Variants in NRP1 observed in about 807,000 individuals in gnomAD.
The protein encoded by NRP1 is neuropilin-1.
NRP1 carries 35 observed loss-of-function variants against 106.7 expected under a neutral mutation model. That is an observed-to-expected ratio of 0.33 (90% CI 0.25 to 0.43). The LOEUF is 0.43. Ranked by LOEUF, NRP1 falls within the 20% of genes least tolerant of loss-of-function variation. The pLI is 1.00. For missense variants in NRP1, 1,024 were observed against 1,170.4 expected, an observed-to-expected ratio of 0.87 and a Z score of 1.83; for synonymous variants, 437 against 417.9, an observed-to-expected ratio of 1.05 and a Z score of -0.56.
intron 11 of NRP1, chr10:33,202,656 C>T: frequency 1.3e-6 from 2 of 1,542,542 alleles, no homozygotes; most frequent in Non-Finnish European, 1.8e-6. Flanking sequence ...TAATCCTAGC[C>T]TTTGGCTCTC....
intron 2 of NRP1, among the ~76,000 whole-genome samples, chr10:33,291,599 G>C (rs1454851081): frequency 6.6e-6 from 1 of 152,158 alleles, no homozygotes; most frequent in African/African-American, 2.4e-5. Flanking sequence ...AAATTAGTAG[G>C]AGCATATCAA....
chr10:33,309,857 G>T (rs538705877), intron 2 of NRP1, among the ~76,000 whole-genome samples: 2 of 151,792 alleles, frequency 1.3e-5, no homozygotes, highest in South Asian at 4.1e-4. Flanking sequence ...CCAGTTTCCC[G>T]TTTCTCAAGT....
chr10:33,318,901 G>C (rs1442708542), intron 2 of NRP1, among the ~76,000 whole-genome samples: 1 of 151,608 alleles, frequency 6.6e-6, no homozygotes, highest in East Asian at 2.0e-4. Flanking sequence ...GTCAGGCTTG[G>C]CAGCCTGTTC....
At chr10:33,187,505 A>T (rs544113317) in intron 13 of NRP1, among the ~76,000 whole-genome samples, 3 of 152,084 alleles carry the variant, frequency 2.0e-5, no homozygotes, top group African/African-American at 7.2e-5. Context: ...GCTCAAGGAG[A>T]GGCAAGGTTG....
chr10:33,203,748 T>G lies in NRP1; in HGVS notation c.1760-753A>C, dbSNP rs1444051510. ...TTTTTTTTTTTTTTTTTTTTTTTTT[T>G]TTTGAGACGGAGTCTCGCTCTGTCG... On this transcript the variant is annotated intron_variant, in intron 10 of 16. Coordinates refer to ENST00000374867, the MANE Select transcript of NRP1 (RefSeq NM_003873.7). Among the ~76,000 whole-genome samples, 10 of 68,988 alleles carry G rather than the reference T, an allele frequency of 1.4e-4. 1 individual carries two copies. Among genetic ancestry groups the G allele is most frequent in the Admixed American group, 3.9e-4 (2 of 5,080 alleles). The allele number at this position is 68,988 out of a possible 152,430, so 45.3% of individuals were successfully genotyped here.
chr10:33,178,524 T>C lies in NRP1; in HGVS notation c.*1552A>G, dbSNP rs1835499838. On this transcript the variant is annotated 3_prime_UTR_variant, in exon 17 of 17. Coordinates refer to ENST00000374867, the MANE Select transcript of NRP1 (RefSeq NM_003873.7). Reference sequence around the variant, plus strand: ...TTTTCCCCCTCTTATCTTAAAATACTTGACCCCCAGGCATCAGGATTTATA... The same window carrying C: ...TTTTCCCCCTCTTATCTTAAAATACCTGACCCCCAGGCATCAGGATTTATA... The C allele has an allele frequency of 6.6e-6, 1 of 152,234 alleles. No individual in the cohort carries two copies. The highest frequency in any genetic ancestry group is 1.5e-5 in the Non-Finnish European group (1 of 68,036). The allele number at this position is 152,234 out of a possible 1,614,324, so 9.4% of individuals were successfully genotyped here.
intron 4 of NRP1, among the ~76,000 whole-genome samples, chr10:33,259,000 T>G (rs922814167): frequency 6.6e-6 from 1 of 152,178 alleles, no homozygotes; most frequent in African/African-American, 2.4e-5. Context: ...GCCCTAATCC[T>G]TGGGGTCGTC....
intron 2 of NRP1, among the ~76,000 whole-genome samples, chr10:33,319,588 CTTT>C (rs35886672): frequency 9.5e-5 from 11 of 115,580 alleles, no homozygotes; most frequent in Admixed American, 1.8e-4. Flanking sequence ...TTCTTTCTTT[CTTT>C]TTTTTTTTTT....
At chr10:33,199,877 A>G (rs1480548184) in intron 11 of NRP1, among the ~76,000 whole-genome samples, 1 of 152,190 alleles carries the variant, frequency 6.6e-6, no homozygotes, top group Non-Finnish European at 1.5e-5. Flanking sequence ...CACAGATCAG[A>G]AATCATGTTA....
At chr10:33,235,472 A>C (rs574651191) in intron 6 of NRP1, among the ~76,000 whole-genome samples, 58 of 152,382 alleles carry the variant, frequency 3.8e-4, no homozygotes, top group Non-Finnish European at 7.6e-4. Context: ...CAACGCACGG[A>C]ACTGTGGCAA....
chr10:33,282,276 G>C (rs1249271441), intron 2 of NRP1, among the ~76,000 whole-genome samples: 1 of 152,022 alleles, frequency 6.6e-6, no homozygotes, highest in Non-Finnish European at 1.5e-5. Context: ...GAGGCACTAG[G>C]GTGCAATTTC....
intron 11 of NRP1, among the ~76,000 whole-genome samples, chr10:33,198,762 T>G (rs1564372052): frequency 2.6e-5 from 4 of 151,994 alleles, no homozygotes; most frequent in African/African-American, 9.7e-5. Context: ...TAAGATGCTA[T>G]GGTTCCTCCT....
At chr10:33,227,473 C>T (rs1839763496) in intron 6 of NRP1, among the ~76,000 whole-genome samples, 1 of 152,154 alleles carries the variant, frequency 6.6e-6, no homozygotes, top group African/African-American at 2.4e-5. Flanking sequence ...CTTTAGATTT[C>T]TTCCCTCCCC....
chr10:33,207,801 C>G, intron 9 of NRP1, 85 bp from the exon 10 acceptor site: 1 of 1,470,234 alleles, frequency 6.8e-7, no homozygotes, highest in Non-Finnish European at 9.3e-7. Flanking sequence ...TCCTTCAGGA[C>G]TCTGAATAAG....
At chr10:33,297,930 C>T (rs1423402671) in intron 2 of NRP1, among the ~76,000 whole-genome samples, 2 of 151,902 alleles carry the variant, frequency 1.3e-5, no homozygotes, top group Non-Finnish European at 2.9e-5. Flanking sequence ...AAAAAAAATC[C>T]CCTGGAATCA....
intron 2 of NRP1, among the ~76,000 whole-genome samples, chr10:33,282,126 ATG>A (rs963634002): frequency 4.4e-4 from 45 of 103,050 alleles, no homozygotes; most frequent in African/African-American, 1.4e-3. Flanking sequence ...ATACCATAGT[ATG>A]TTTTTTTTTT....
chr10:33,264,377 G>A (rs955005690), intron 3 of NRP1, among the ~76,000 whole-genome samples: 7 of 152,172 alleles, frequency 4.6e-5, no homozygotes, highest in Admixed American at 2.6e-4. Context: ...TTTGACAAAC[G>A]AAATGTGAAA....
At chr10:33,197,813 T>C (rs758145507) in intron 11 of NRP1, 104 bp from the exon 12 acceptor site, 5 of 546,058 alleles carry the variant, frequency 9.2e-6, no homozygotes, top group Non-Finnish European at 1.6e-5. Context: ...ATATTTTCCA[T>C]AGAAAAATCC....
At chr10:33,323,501 A>T (rs1194351674) in intron 2 of NRP1, among the ~76,000 whole-genome samples, 1 of 152,072 alleles carries the variant, frequency 6.6e-6, no homozygotes, top group Non-Finnish European at 1.5e-5. Flanking sequence ...CTCTGAATGA[A>T]TGTGCTTCAC....
Sources: allele counts gnomAD v4.1 joint callset (sites outside exome capture counted in the v4.1 genomes callset), GRCh38; gene constraint gnomAD v4.1.1; transcripts MANE v1.5; gene names NCBI Gene and HGNC (gene_info 2026-07-23, HGNC 2026-07-21).